Variants in COL28A1 observed in about 807,000 individuals in gnomAD.
COL28A1 encodes the protein collagen alpha-1(XXVIII) chain.
A neutral mutation model predicts 150.2 loss-of-function variants in COL28A1; 161 were observed. The ratio of observed to expected loss-of-function variants is 1.07; its 90% CI spans 0.94 to 1.22. The LOEUF (loss-of-function observed/expected upper bound fraction) is 1.22, where lower values mean the gene tolerates loss of function less well. COL28A1 is among the 50% of genes most tolerant of loss of function. COL28A1 has a pLI of 0.00. For synonymous variants in COL28A1, 552 were observed against 469.7 expected, an observed-to-expected ratio of 1.18 and a Z score of -2.26; for missense variants, 1,617 against 1,388.3, an observed-to-expected ratio of 1.16 and a Z score of -2.62.
chr7:7,506,171 G>A (rs1780799000), intron 10 of COL28A1, 104 bp from the exon 11 acceptor site: 9 of 687,088 alleles, frequency 1.3e-5, no homozygotes, highest in East Asian at 1.3e-4. Flanking sequence ...AAGTTAGACT[G>A]TGTAACTCAG....
Position 7,370,725 on chromosome 7 carries a change from T to C in COL28A1, c.3066A>G (p.Ser1022=). The change falls in exon 33 of 35, where the codon TCA becomes TCG. Residue 1022 remains serine (S), a splice_region_variant and synonymous_variant. Transcript: ENST00000399429. The part of the protein sequence containing the change: ...TPEPQKEISE[S]LSVTRDQDED... ...CAAAGTAAGTGAGACAGTTACTTAC[T>C]GACTCAGAAATTTCTTTTTGAGGCT... 1.9e-6 allele frequency: 3 copies of C among 1,608,338 alleles called. No homozygotes were observed. The highest frequency in any genetic ancestry group is 2.5e-6 in the Non-Finnish European group (3 of 1,177,406).
chr7:7,366,453 T>C (rs1316402970), intron 33 of COL28A1, among the ~76,000 whole-genome samples: 9 of 152,172 alleles, frequency 5.9e-5, no homozygotes, highest in Admixed American at 5.2e-4. Context: ...CAGTTAGGAA[T>C]ATGTTTATTA....
chr7:7,383,715 T>C (rs1782024501), intron 27 of COL28A1, among the ~76,000 whole-genome samples: 1 of 146,004 alleles, frequency 6.8e-6, no homozygotes, highest in Non-Finnish European at 1.5e-5. Context: ...TATATGAGAT[T>C]CTAATTTGTT....
At chr7:7,441,017 C>T (rs759411947) in intron 20 of COL28A1, among the ~76,000 whole-genome samples, 156 bp from the exon 21 acceptor site, 42 of 152,202 alleles carry the variant, frequency 2.8e-4, no homozygotes, top group Non-Finnish European at 4.7e-4. Context: ...CGTCAATGTT[C>T]TTGAGGAGAT....
At chr7:7,440,275 T>C (rs903093796) in intron 21 of COL28A1, among the ~76,000 whole-genome samples, 4 of 152,240 alleles carry the variant, frequency 2.6e-5, no homozygotes, top group African/African-American at 9.6e-5. Flanking sequence ...GGAAATGTGC[T>C]AAGTGCTTTA....
chr7:7,388,183 C>T (rs1168327407), intron 27 of COL28A1, among the ~76,000 whole-genome samples: 1 of 151,770 alleles, frequency 6.6e-6, no homozygotes, highest in Non-Finnish European at 1.5e-5. Context: ...CCATGACAGG[C>T]CTTGGTGTGT....
chr7:7,493,303 A>G (rs1047331001), intron 11 of COL28A1, among the ~76,000 whole-genome samples: 1 of 151,984 alleles, frequency 6.6e-6, no homozygotes, highest in African/African-American at 2.4e-5. Context: ...TACTTATCTG[A>G]TGTTTGATCA....
At chr7:7,510,144 A>C (rs1781044143) in intron 9 of COL28A1, among the ~76,000 whole-genome samples, 1 of 152,150 alleles carries the variant, frequency 6.6e-6, no homozygotes, top group Admixed American at 6.5e-5. Flanking sequence ...AATATAATGA[A>C]AACTATTTAT....
chr7:7,519,951 G>A, intron 6 of COL28A1, 111 bp downstream of exon 6: 2 of 599,184 alleles, frequency 3.3e-6, no homozygotes, highest in East Asian at 2.9e-5. Context: ...CACAAAAGTT[G>A]TCACATTTTT....
chr7:7,473,172 T>C (rs534960678), intron 15 of COL28A1, among the ~76,000 whole-genome samples: 2 of 151,988 alleles, frequency 1.3e-5, no homozygotes, highest in Non-Finnish European at 2.9e-5. Flanking sequence ...CAAAGATAAA[T>C]AGCTGGGACT....
intron 18 of COL28A1, among the ~76,000 whole-genome samples, chr7:7,451,467 A>C (rs754571156): frequency 1.3e-4 from 19 of 151,864 alleles, no homozygotes; most frequent in Non-Finnish European, 1.9e-4. Context: ...CTTGTGATCC[A>C]CCCGCCTTGG....
chr7:7,399,407 A>T (rs1783037305), intron 27 of COL28A1, among the ~76,000 whole-genome samples: 1 of 152,152 alleles, frequency 6.6e-6, no homozygotes. Context: ...TACTTATTAT[A>T]AACTCCCAAA....
chr7:7,372,606 T>C (rs1345745418), intron 32 of COL28A1, among the ~76,000 whole-genome samples: 2 of 152,110 alleles, frequency 1.3e-5, no homozygotes, highest in African/African-American at 4.8e-5. Flanking sequence ...AGGTACTTCT[T>C]AATTCATTTT....
intron 27 of COL28A1, among the ~76,000 whole-genome samples, chr7:7,414,531 C>T (rs942593009): frequency 7.2e-5 from 11 of 152,310 alleles, no homozygotes; most frequent in East Asian, 5.8e-4. Context: ...GCGAGCCCAT[C>T]GTGCTCTCAG....
chr7:7,406,129 C>G (rs1282914947), intron 27 of COL28A1, among the ~76,000 whole-genome samples: 3 of 152,104 alleles, frequency 2.0e-5, no homozygotes, highest in Non-Finnish European at 4.4e-5. Context: ...GCTAGGCCAA[C>G]CATGTATACC....
intron 27 of COL28A1, among the ~76,000 whole-genome samples, chr7:7,405,210 A>G (rs1783428766): frequency 6.6e-6 from 1 of 152,242 alleles, no homozygotes; most frequent in Non-Finnish European, 1.5e-5. Context: ...ACAAAAGCAG[A>G]TTCTATTTTG....
At chr7:7,475,564 A>G (rs1171363861) in intron 14 of COL28A1, among the ~76,000 whole-genome samples, 1 of 152,226 alleles carries the variant, frequency 6.6e-6, no homozygotes, top group South Asian at 2.1e-4. Flanking sequence ...GTATGATAAT[A>G]CCTCATATAA....
At chr7:7,406,468 G>A (rs545645967) in intron 27 of COL28A1, among the ~76,000 whole-genome samples, 56 of 152,228 alleles carry the variant, frequency 3.7e-4, no homozygotes, top group African/African-American at 1.2e-3. Flanking sequence ...CAGCCTCTGT[G>A]CTCACAGAAT....
Position 7,456,106 on chromosome 7 carries a change from T to G in COL28A1, c.1309A>C (p.Ile437Leu), listed in dbSNP as rs778563223. The change falls in exon 16 of 35, where the codon ATA becomes CTA. Residue 437 changes from isoleucine to leucine, a missense_variant. By Grantham distance (5) the Ile-to-Leu change is conservative. Coordinates refer to ENST00000399429, the MANE Select transcript of COL28A1 (RefSeq NM_001037763.3). Reference protein sequence around the residue: ...GLSIKGEKGDIGPVGPQGPMG... With the variant: ...GLSIKGEKGDLGPVGPQGPMG... The stretch of plus-strand genomic sequence containing the variant: ...GGTCCTTGGGGTCCCACAGGTCCTA[T>G]ATCCCCCTGCACAGAAAATAAGCCA... 1.1e-5 allele frequency: 17 copies of G among 1,613,526 alleles called. No homozygotes were observed. The highest frequency in any genetic ancestry group is 1.2e-5 in the Non-Finnish European group (14 of 1,179,740).
Sources: gnomAD v4.1 joint callset for allele counts (sites outside exome capture counted in the v4.1 genomes callset) on GRCh38, gnomAD v4.1.1 for gene constraint, MANE v1.5 for transcripts, NCBI Gene and HGNC (gene_info 2026-07-23, HGNC 2026-07-21) for gene names.